The following OR10H5 variants were observed in gnomAD, a reference collection of about 807,000 sequenced individuals.
OR10H5 encodes olfactory receptor family 10 subfamily H member 5.
In OR10H5, 7 loss-of-function variants were observed where a neutral mutation model predicts 12.2. The observed-to-expected ratio is 0.57, with a 90% CI of 0.33 to 1.07. The LOEUF is 1.07. Among genes scored for constraint, OR10H5 ranks in the 50% least tolerant of loss-of-function variants. The probability of loss-of-function intolerance (pLI) is 0.04; values close to 1 mark genes in which losing one functional copy is unlikely to be tolerated. For missense variants in OR10H5, 346 were observed against 411.6 expected (o/e 0.84, Z 1.38); for synonymous variants, 159 against 175.1 (o/e 0.91, Z 0.73).
At position 15,795,251 on chromosome 19, in the gene OR10H5, C is replaced by T. The variant is rs556783632; in HGVS notation, c.*255C>T. 3.1e-5 allele frequency: 16 copies of T among 519,450 alleles called. No individual in the cohort carries two copies. Among genetic ancestry groups the T allele is most frequent in the East Asian group, 2.0e-4 (6 of 29,634 alleles). The allele number at this position is 519,450 out of a possible 1,614,324, so 32.2% of individuals were successfully genotyped here. On this transcript the variant is annotated 3_prime_UTR_variant, in exon 2 of 2. Transcript: ENST00000642092. ...TCTTCTCTGCCTACTTCCCTCTTTC[C>T]CTTCTCTCTGTCTCTTTCTGTTTCT...
Position 15,794,991 on chromosome 19 carries a change from T to C in OR10H5, c.943T>C (p.Cys315Arg), listed in dbSNP as rs748321334. The C allele has an allele frequency of 2.5e-6, 4 of 1,613,006 alleles. No individual in the cohort carries two copies. Residue 315 changes from cysteine to arginine, a missense_variant, in exon 2 of 2, where the codon TGC becomes CGC. Physicochemically the swap from Cys to Arg is radical, Grantham distance 180. Coordinates refer to ENST00000642092, the MANE Select transcript of OR10H5 (RefSeq NM_001004466.2). ...CTTCACCAAACTCTTTCCACAGAAC[T>C]GCTGAAATGGCTGACTTTCTCTCAA... is the stretch of plus-strand genomic sequence containing the variant. ...TCFTKLFPQN[C>R]
chr19:15,793,503 A>AC (rs575939396), intron 1 of OR10H5, among the ~76,000 whole-genome samples: 9 of 151,014 alleles, frequency 6.0e-5, no homozygotes, highest in South Asian at 2.1e-4. Context: ...GCCTCAGGTG[A>AC]CCCCCCTCTG....
At chr19:15,788,264 T>C (rs940435885) in intron 1 of OR10H5, among the ~76,000 whole-genome samples, 1 of 152,102 alleles carries the variant, frequency 6.6e-6, no homozygotes, top group Admixed American at 6.6e-5. Context: ...GCTAGACGTC[T>C]TAAAGCAAGA....
chr19:15,793,026 A>T (rs1041278315), intron 1 of OR10H5, among the ~76,000 whole-genome samples: 3 of 152,134 alleles, frequency 2.0e-5, no homozygotes, highest in African/African-American at 7.2e-5. Flanking sequence ...TTTTATCAGT[A>T]TTACTATTTG....
rs557980276 is a variant in OR10H5 at position 15,800,138 on chromosome 19, C to G, written c.*5142C>G. The G allele has an allele frequency of 2.0e-5, 3 of 152,298 alleles. No individual in the cohort carries two copies. The highest frequency in any genetic ancestry group is 7.2e-5 in the African/African-American group (3 of 41,552). The allele number at this position is 152,298 out of a possible 1,614,324, so 9.4% of individuals were successfully genotyped here. The stretch of plus-strand genomic sequence containing the variant: ...CCACACTCGGTCACCACCCCTATTA[C>G]AAGCCCTCATAGCAACTCACTTAGG... On this transcript the variant is annotated 3_prime_UTR_variant, in exon 2 of 2. Coordinates refer to ENST00000642092, the MANE Select transcript of OR10H5 (RefSeq NM_001004466.2).
At chr19:15,787,974 T>C (rs983369549) in intron 1 of OR10H5, among the ~76,000 whole-genome samples, 16 of 152,170 alleles carry the variant, frequency 1.1e-4, no homozygotes, top group African/African-American at 3.9e-4. Flanking sequence ...AGCAGCCCCC[T>C]TTCCACAGCA....
In OR10H5 at chr19:15,799,659, A is replaced by G. The variant is rs1235421163; in HGVS notation, c.*4663A>G. Reference sequence around the variant, plus strand: ...TGTCTACAAGGTAAACCTTAAAAGTATGACAAATAGAGGTTACTATATGTT... The same window carrying G: ...TGTCTACAAGGTAAACCTTAAAAGTGTGACAAATAGAGGTTACTATATGTT... On this transcript the variant is annotated 3_prime_UTR_variant, in exon 2 of 2. Coordinates refer to ENST00000642092, the MANE Select transcript of OR10H5 (RefSeq NM_001004466.2). The G allele has an allele frequency of 6.6e-6, 1 of 151,226 alleles. No individual in the cohort carries two copies. The highest frequency in any genetic ancestry group is 1.5e-5 in the Non-Finnish European group (1 of 67,920). The allele number at this position is 151,226 out of a possible 1,614,324, so 9.4% of individuals were successfully genotyped here.
rs72995356 is a variant in OR10H5, at chr19:15,795,279, A to G, written c.*283A>G. 36,534 of 405,774 alleles carry G rather than the reference A, an allele frequency of 0.09. 1,745 individuals are homozygous for G. The highest frequency in any genetic ancestry group is 0.14 in the Middle Eastern group (223 of 1,554). 25.1% of individuals were successfully genotyped at this position (405,774 alleles called of 1,614,324 possible). On this transcript the variant is annotated 3_prime_UTR_variant, in exon 2 of 2. Coordinates refer to ENST00000642092, the MANE Select transcript of OR10H5 (RefSeq NM_001004466.2). Reference sequence around the variant, plus strand: ...TCTCTCTGTCTCTTTCTGTTTCTATACCTCTCTGTCTCTGTCACTCTCTTT... The same window carrying G: ...TCTCTCTGTCTCTTTCTGTTTCTATGCCTCTCTGTCTCTGTCACTCTCTTT...
chr19:15,790,256 G>A (rs1246093656), intron 1 of OR10H5, among the ~76,000 whole-genome samples: 1 of 152,200 alleles, frequency 6.6e-6, no homozygotes, highest in East Asian at 1.9e-4. Context: ...TGAAGTCCCT[G>A]ACTGTCACAG....
chr19:15,795,167 C>A lies in OR10H5; in HGVS notation c.*171C>A, dbSNP rs2088833910. 3 of 587,814 alleles carry A rather than the reference C, an allele frequency of 5.1e-6. No homozygotes were observed. Among genetic ancestry groups the A allele is most frequent in the Non-Finnish European group, 8.7e-6 (3 of 345,596 alleles). The allele number at this position is 587,814 out of a possible 1,614,324, so 36.4% of individuals were successfully genotyped here. On this transcript the variant is annotated 3_prime_UTR_variant, in exon 2 of 2. Coordinates refer to ENST00000642092, the MANE Select transcript of OR10H5 (RefSeq NM_001004466.2). ...CTTCTCTGACCTACAGTCCACCCTCCCTCCCCCCTCCTCCTTGCCTTCCTT... is the reference window on the plus strand; with the variant it reads ...CTTCTCTGACCTACAGTCCACCCTCACTCCCCCCTCCTCCTTGCCTTCCTT...
chr19:15,795,247 T>C lies in OR10H5; in HGVS notation c.*251T>C, dbSNP rs868092316. 1.6e-5 allele frequency: 8 copies of C among 494,908 alleles called. No homozygotes were observed. The highest frequency in any genetic ancestry group is 2.5e-5 in the Non-Finnish European group (7 of 279,396). The allele number at this position is 494,908 out of a possible 1,614,324, so 30.7% of individuals were successfully genotyped here. On this transcript the variant is annotated 3_prime_UTR_variant, in exon 2 of 2. Coordinates refer to ENST00000642092, the MANE Select transcript of OR10H5 (RefSeq NM_001004466.2). ...TCCTTCTTCTCTGCCTACTTCCCTC[T>C]TTCCCTTCTCTCTGTCTCTTTCTGT...
At chr19:15,791,376 A>C (rs939348506) in intron 1 of OR10H5, among the ~76,000 whole-genome samples, 10 of 152,020 alleles carry the variant, frequency 6.6e-5, no homozygotes, top group African/African-American at 2.2e-4. Flanking sequence ...AAGTAAATAC[A>C]AATAAAATTT....
chr19:15,797,270 G>C lies in OR10H5; in HGVS notation c.*2274G>C, dbSNP rs1464928739. 1 of 152,208 alleles carries C rather than the reference G, an allele frequency of 6.6e-6. No homozygotes were observed. 9.4% of individuals were successfully genotyped at this position (152,208 alleles called of 1,614,324 possible). A position where few individuals can be genotyped will look rare whatever the true frequency, so the allele number is the denominator to read the frequency against. On this transcript the variant is annotated 3_prime_UTR_variant, in exon 2 of 2. Transcript: ENST00000642092. ...CATCACCTCGAGTTGTCATGGAAAA[G>C]AGAATGTTATACCCTGTTTATACCC... is the stretch of plus-strand genomic sequence containing the variant.
rs746062074 is a variant in OR10H5, at chr19:15,794,073, G to A, written c.25G>A (p.Val9Met). The A allele has an allele frequency of 1.8e-5, 29 of 1,613,650 alleles. No individual in the cohort carries two copies. The highest frequency in any genetic ancestry group is 1.2e-4 in the Admixed American group (7 of 59,972). Residue 9 changes from valine (V) to methionine (M), a missense_variant, in exon 2 of 2, where the codon GTG (valine) becomes ATG (methionine). Val to Met is a conservative substitution (Grantham distance 21, BLOSUM62 1). Transcript: ENST00000642092. Reference sequence around the variant, plus strand: ...CATGCAGGGGCTAAACCACACCTCCGTGTCTGAATTCATCCTCGTTGGCTT... The same window carrying A: ...CATGCAGGGGCTAAACCACACCTCCATGTCTGAATTCATCCTCGTTGGCTT... MQGLNHTS[V>M]SEFILVGFSA... is the part of the protein sequence containing the mutation.
rs1323269869 is a variant in OR10H5 at position 15,794,105 on chromosome 19, C to T, written c.57C>T (p.Ala19=). 1 of 1,614,122 alleles carries T rather than the reference C, an allele frequency of 6.2e-7. No individual in the cohort carries two copies. The highest frequency in any genetic ancestry group is 1.7e-5 in the Admixed American group (1 of 60,014). The part of the protein sequence containing the change: ...VSEFILVGFS[A]FPHLQLMLFL... The stretch of plus-strand genomic sequence containing the variant: ...AATTCATCCTCGTTGGCTTCTCTGC[C>T]TTCCCCCACCTCCAGCTGATGCTCT... Residue 19 remains alanine (A), a synonymous_variant, in exon 2 of 2, where the codon GCC becomes GCT. Transcript: ENST00000642092.
At chr19:15,790,668 G>A (rs1220181263) in intron 1 of OR10H5, among the ~76,000 whole-genome samples, 2 of 152,150 alleles carry the variant, frequency 1.3e-5, no homozygotes, top group African/African-American at 4.8e-5. Flanking sequence ...TGAGGGAGAG[G>A]AGGGATGAAG....
In OR10H5 at chr19:15,799,427, G is replaced by A. The variant is rs779536532; in HGVS notation, c.*4431G>A. On this transcript the variant is annotated 3_prime_UTR_variant, in exon 2 of 2. Transcript: ENST00000642092. ...GTGCTAACTGACAAAGTATCTTGCG[G>A]CAGGTAGAAATAATCAGTTTTCTTG... is the stretch of plus-strand genomic sequence containing the variant. 6 of 152,100 alleles carry A rather than the reference G, an allele frequency of 3.9e-5. No homozygotes were observed. The highest frequency in any genetic ancestry group is 7.3e-5 in the Non-Finnish European group (5 of 68,038). 9.4% of individuals were successfully genotyped at this position (152,100 alleles called of 1,614,324 possible). A position where few individuals can be genotyped will look rare whatever the true frequency, so the allele number is the denominator to read the frequency against.
chr19:15,795,186 C>T lies in OR10H5; in HGVS notation c.*190C>T. On this transcript the variant is annotated 3_prime_UTR_variant, in exon 2 of 2. Coordinates refer to ENST00000642092, the MANE Select transcript of OR10H5 (RefSeq NM_001004466.2). ...ACCCTCCCTCCCCCCTCCTCCTTGCCTTCCTTCCATCCTTCCTCCCTCCCT... is the reference window on the plus strand; with the variant it reads ...ACCCTCCCTCCCCCCTCCTCCTTGCTTTCCTTCCATCCTTCCTCCCTCCCT... 1.7e-6 allele frequency: 1 copy of T among 572,020 alleles called. No individual in the cohort carries two copies. The highest frequency in any genetic ancestry group is 3.0e-6 in the Non-Finnish European group (1 of 331,290). 35.4% of individuals were successfully genotyped at this position (572,020 alleles called of 1,614,324 possible).
At position 15,799,613 on chromosome 19, in the gene OR10H5, G is replaced by A. The variant is rs1050596508; in HGVS notation, c.*4617G>A. On this transcript the variant is annotated 3_prime_UTR_variant, in exon 2 of 2. Transcript: ENST00000642092. ...AATACATCCCTGATGCTGATGAAAC[G>A]TTATGTATATAATTGTATGTTGTCT... 2.6e-5 allele frequency: 4 copies of A among 151,470 alleles called. No homozygotes were observed. Among genetic ancestry groups the A allele is most frequent in the East Asian group, 1.9e-4 (1 of 5,170 alleles). The allele number at this position is 151,470 out of a possible 1,614,324, so 9.4% of individuals were successfully genotyped here.
Sources: allele counts gnomAD v4.1 joint callset (sites outside exome capture counted in the v4.1 genomes callset), GRCh38; gene constraint gnomAD v4.1.1; transcripts MANE v1.5; gene names NCBI Gene and HGNC (gene_info 2026-07-23, HGNC 2026-07-21).